Variants in FHOD3 observed in about 807,000 individuals in gnomAD.
FHOD3 encodes formin homology 2 domain containing 3.
In FHOD3, 90 loss-of-function variants were observed where a neutral mutation model predicts 173.0. The observed-to-expected ratio is 0.52, with a 90% CI of 0.44 to 0.62. The LOEUF (loss-of-function observed/expected upper bound fraction) is 0.62. Ranked by LOEUF, FHOD3 falls within the 20% of genes least tolerant of loss-of-function variation. The probability of loss-of-function intolerance (pLI) is 0.00; values close to 1 mark genes in which losing one functional copy is unlikely to be tolerated. For synonymous variants in FHOD3, 828 were observed against 823.0 expected, an observed-to-expected ratio of 1.01 and a Z score of -0.10; for missense variants, 1,945 against 2,034.7, an observed-to-expected ratio of 0.96 and a Z score of 0.85.
intron 1 of FHOD3, among the ~76,000 whole-genome samples, chr18:36,332,109 C>T (rs1424876934): frequency 6.6e-6 from 1 of 152,202 alleles, no homozygotes; most frequent in Admixed American, 6.5e-5. Context: ...TCTGAGAAAG[C>T]TTAACATTGT....
chr18:36,673,446 T>C (rs562061860), intron 14 of FHOD3, among the ~76,000 whole-genome samples: 154 of 152,302 alleles, frequency 1.0e-3, no homozygotes, highest in South Asian at 5.2e-3. Flanking sequence ...GTTGAATTCC[T>C]ATGAGAAAAA....
At chr18:36,716,372 A>G (rs144796856) in intron 18 of FHOD3, among the ~76,000 whole-genome samples, 2 of 152,354 alleles carry the variant, frequency 1.3e-5, no homozygotes, top group African/African-American at 4.8e-5. Context: ...GATGAAAGAA[A>G]AGAAGGAGTC....
intron 14 of FHOD3, among the ~76,000 whole-genome samples, chr18:36,672,152 C>T (rs1163723563): frequency 6.6e-6 from 1 of 152,158 alleles, no homozygotes; most frequent in Non-Finnish European, 1.5e-5. Flanking sequence ...TGTAAGATAA[C>T]TTTAATTGCT....
intron 3 of FHOD3, among the ~76,000 whole-genome samples, chr18:36,480,145 G>A (rs1268801083): frequency 2.6e-5 from 4 of 152,206 alleles, no homozygotes; most frequent in East Asian, 1.9e-4. Flanking sequence ...CGTATAAGAC[G>A]GTTTATCCCT....
At position 36,675,408 on chromosome 18, in the gene FHOD3, T is replaced by C. The variant is rs968233574; in HGVS notation, c.1836-6028T>C. On this transcript the variant is annotated intron_variant, in intron 14 of 28. Transcript: ENST00000590592. ...TATTTTATCCTCTCACACTTTGGTC[T>C]CATACAGGGCCACCAAGGGCCTCCC... 2.0e-5 allele frequency among the ~76,000 whole-genome samples: 3 copies of C among 152,136 alleles called. No individual in the cohort carries two copies. In the East Asian group the frequency reaches 5.8e-4, roughly 29 times the overall value.
At chr18:36,499,791 T>G (rs987014957) in intron 3 of FHOD3, among the ~76,000 whole-genome samples, 4 of 152,224 alleles carry the variant, frequency 2.6e-5, no homozygotes, top group Admixed American at 2.6e-4. Flanking sequence ...TGGGGATGGT[T>G]GATTCCTCTG....
At chr18:36,345,721 G>A (rs1048878688) in intron 1 of FHOD3, among the ~76,000 whole-genome samples, 2 of 152,120 alleles carry the variant, frequency 1.3e-5, no homozygotes, top group Non-Finnish European at 1.5e-5. Flanking sequence ...GAAAAAACAT[G>A]CCAAACACAG....
chr18:36,459,584 A>C (rs2052430010), intron 3 of FHOD3, among the ~76,000 whole-genome samples: 1 of 152,176 alleles, frequency 6.6e-6, no homozygotes, highest in African/African-American at 2.4e-5. Context: ...AACTTCTGTC[A>C]TCCTCAGGCC....
intron 3 of FHOD3, among the ~76,000 whole-genome samples, chr18:36,435,924 G>A (rs528685985): frequency 6.6e-6 from 1 of 152,086 alleles, no homozygotes; most frequent in Non-Finnish European, 1.5e-5. Flanking sequence ...TCATTGCAAC[G>A]ACAGAAAAAT....
chr18:36,325,592 C>T (rs540153304), intron 1 of FHOD3, among the ~76,000 whole-genome samples: 175 of 152,324 alleles, frequency 1.1e-3, no homozygotes, highest in African/African-American at 4.1e-3. Context: ...TGCACTAGAG[C>T]TCCACCATCT....
At chr18:36,634,606 G>A (rs1483069002) in intron 10 of FHOD3, among the ~76,000 whole-genome samples, 1 of 152,150 alleles carries the variant, frequency 6.6e-6, no homozygotes, top group Non-Finnish European at 1.5e-5. Flanking sequence ...CAACTCAGGT[G>A]ACCTGCTCAG....
intron 3 of FHOD3, among the ~76,000 whole-genome samples, chr18:36,478,326 A>T (rs907556906): frequency 1.3e-5 from 2 of 152,224 alleles, no homozygotes; most frequent in East Asian, 3.9e-4. Flanking sequence ...TATTTATGGG[A>T]TATACATGCG....
At chr18:36,542,069 C>T (rs1008797058) in intron 5 of FHOD3, among the ~76,000 whole-genome samples, 7 of 152,142 alleles carry the variant, frequency 4.6e-5, no homozygotes, top group African/African-American at 1.7e-4. Flanking sequence ...ATTTGGATCC[C>T]GGTTTATAAC....
chr18:36,479,110 T>C (rs2145414443), intron 3 of FHOD3, among the ~76,000 whole-genome samples: 1 of 152,340 alleles, frequency 6.6e-6, no homozygotes, highest in East Asian at 1.9e-4. Context: ...TGTGTGTCTT[T>C]GTTTTGTTCA....
At chr18:36,333,264 T>G (rs1397207323) in intron 1 of FHOD3, among the ~76,000 whole-genome samples, 1 of 152,210 alleles carries the variant, frequency 6.6e-6, no homozygotes, top group Non-Finnish European at 1.5e-5. Flanking sequence ...TGAGGAAATT[T>G]AGTCTCAGAG....
chr18:36,755,470 C>G (rs1358150078), intron 25 of FHOD3, among the ~76,000 whole-genome samples, 159 bp downstream of exon 25: 1 of 140,538 alleles, frequency 7.1e-6, no homozygotes, highest in Non-Finnish European at 1.5e-5. Flanking sequence ...TTAAAGTACT[C>G]CTCCACCATT....
At chr18:36,682,201 G>A (rs1343849518) in intron 15 of FHOD3, among the ~76,000 whole-genome samples, 1 of 152,066 alleles carries the variant, frequency 6.6e-6, no homozygotes, top group Non-Finnish European at 1.5e-5. Context: ...CAGTCCACCT[G>A]TTCTCCACAT....
At chr18:36,725,416 T>C (rs1239960339) in intron 19 of FHOD3, among the ~76,000 whole-genome samples, 2 of 152,130 alleles carry the variant, frequency 1.3e-5, no homozygotes, top group Non-Finnish European at 2.9e-5. Context: ...GTGGATTATA[T>C]ATCAAAGAGA....
At chr18:36,631,208 G>A (rs888584370) in intron 10 of FHOD3, among the ~76,000 whole-genome samples, 11 of 152,180 alleles carry the variant, frequency 7.2e-5, no homozygotes, top group Admixed American at 5.2e-4. Flanking sequence ...ACAGACTACC[G>A]CTCCTAAGGA....
Sources: allele counts gnomAD v4.1 joint callset (sites outside exome capture counted in the v4.1 genomes callset), GRCh38; gene constraint gnomAD v4.1.1; transcripts MANE v1.5; gene names NCBI Gene and HGNC (gene_info 2026-07-23, HGNC 2026-07-21).